Variants in ZFHX3 observed in about 807,000 individuals in gnomAD.
The protein encoded by ZFHX3 is zinc finger homeobox 3, also known as zinc finger homeobox protein 3.
A neutral mutation model predicts 279.1 loss-of-function variants in ZFHX3; 42 were observed. That is an observed-to-expected ratio of 0.15 (90% CI 0.12 to 0.19). The LOEUF is 0.19. Among genes scored for constraint, ZFHX3 ranks in the 10% least tolerant of loss-of-function variants. ZFHX3 has a pLI of 1.00. For missense variants in ZFHX3, 4,981 were observed against 4,754.0 expected, an observed-to-expected ratio of 1.05 and a Z score of -1.40; for synonymous variants, 2,293 against 1,957.8, an observed-to-expected ratio of 1.17 and a Z score of -4.52.
intron 6 of ZFHX3, among the ~76,000 whole-genome samples, chr16:73,132,051 C>T (rs781573094): frequency 1.2e-4 from 18 of 151,952 alleles, no homozygotes; most frequent in Non-Finnish European, 2.2e-4. Flanking sequence ...TTTAGGAGAC[C>T]GAGGTGGGAA....
chr16:73,270,538 T>A (rs1366347257), intron 4 of ZFHX3, among the ~76,000 whole-genome samples: 1 of 152,190 alleles, frequency 6.6e-6, no homozygotes, highest in Non-Finnish European at 1.5e-5. Context: ...ATTTGATGAT[T>A]GACTGAAGCA....
chr16:72,812,453 T>C (rs996148220), intron 5 of ZFHX3, among the ~76,000 whole-genome samples: 2 of 152,098 alleles, frequency 1.3e-5, no homozygotes, highest in Non-Finnish European at 2.9e-5. Context: ...GCTTCAGAAA[T>C]GTAAGAAGAG....
chr16:73,724,236 G>T (rs879346748), intron 1 of ZFHX3, among the ~76,000 whole-genome samples: 3 of 152,176 alleles, frequency 2.0e-5, no homozygotes, highest in Non-Finnish European at 4.4e-5. Context: ...CAACTCCTGT[G>T]TGAGCTGCCA....
At chr16:72,927,396 G>C (rs1308839751) in intron 3 of ZFHX3, among the ~76,000 whole-genome samples, 1 of 152,114 alleles carries the variant, frequency 6.6e-6, no homozygotes, top group Non-Finnish European at 1.5e-5. Flanking sequence ...AAGTTCTTCT[G>C]AGGGCAACAC....
intron 1 of ZFHX3, among the ~76,000 whole-genome samples, chr16:73,794,760 C>T (rs998890492): frequency 2.5e-4 from 38 of 152,258 alleles, no homozygotes; most frequent in African/African-American, 8.9e-4. Flanking sequence ...AAAGGGCTAT[C>T]GATTAGACGC....
chr16:73,760,122 T>C (rs777449400), intron 1 of ZFHX3, among the ~76,000 whole-genome samples: 1 of 151,846 alleles, frequency 6.6e-6, no homozygotes, highest in Non-Finnish European at 1.5e-5. Context: ...TGTCACTACT[T>C]ACTCCACAGA....
At chr16:73,024,974 C>T (rs898845138) in intron 1 of ZFHX3, among the ~76,000 whole-genome samples, 2 of 152,174 alleles carry the variant, frequency 1.3e-5, no homozygotes, top group East Asian at 1.9e-4. Context: ...CCTTAGACAC[C>T]GCCTGCCTCC....
chr16:73,004,159 C>CTTTTCTTTTT (rs1963611428), intron 1 of ZFHX3, among the ~76,000 whole-genome samples: 1 of 49,372 alleles, frequency 2.0e-5, no homozygotes. Flanking sequence ...AAAAACACGA[C>CTTTTCTTTTT]TTTTTTTTTT....
chr16:73,841,309 G>T (rs1212689473), intron 1 of ZFHX3, among the ~76,000 whole-genome samples: 2 of 152,078 alleles, frequency 1.3e-5, no homozygotes, highest in African/African-American at 2.4e-5. Context: ...TCCTGTGGAA[G>T]GACCCAGAAG....
intron 1 of ZFHX3, among the ~76,000 whole-genome samples, chr16:73,749,139 A>G (rs2053733087): frequency 6.6e-6 from 1 of 151,922 alleles, no homozygotes; most frequent in Non-Finnish European, 1.5e-5. Flanking sequence ...AATACACTAG[A>G]TCCCGCCATA....
intron 2 of ZFHX3, among the ~76,000 whole-genome samples, chr16:73,577,449 T>A (rs2143817109): frequency 6.6e-6 from 1 of 152,344 alleles, no homozygotes; most frequent in East Asian, 1.9e-4. Flanking sequence ...TCTACAATTA[T>A]CTCAAAATAT....
intron 2 of ZFHX3, among the ~76,000 whole-genome samples, chr16:73,631,578 G>T (rs2142147117): frequency 6.6e-6 from 1 of 152,160 alleles, no homozygotes; most frequent in Middle Eastern, 3.4e-3. Context: ...TTTTCTTTGT[G>T]TTTATATTTT....
intron 2 of ZFHX3, among the ~76,000 whole-genome samples, chr16:73,459,136 A>T (rs1258778315): frequency 1.3e-5 from 2 of 152,246 alleles, no homozygotes; most frequent in Non-Finnish European, 2.9e-5. Context: ...AGTTAATTTT[A>T]AATGGAAAAG....
At position 73,445,059 on chromosome 16, in the gene ZFHX3, C is replaced by T. The variant is rs533540425; in HGVS notation, c.-1291+10944G>A. 4.0e-5 allele frequency among the ~76,000 whole-genome samples: 6 copies of T among 150,876 alleles called. No homozygotes were observed. The East Asian group carries it at 5.9e-4, about 15-fold the overall frequency. On this transcript the variant is annotated intron_variant, in intron 3 of 17. Coordinates refer to the ZFHX3 transcript ENST00000641206. ...CTGAGGCAGGAGAATTGCTTGAACC[C>T]GGGAGGCGGAGGTTACAGTGAGCGG...
intron 2 of ZFHX3, among the ~76,000 whole-genome samples, chr16:73,579,997 T>C (rs1195104310): frequency 1.4e-5 from 2 of 148,092 alleles, no homozygotes; most frequent in East Asian, 3.9e-4. Flanking sequence ...CATATATATT[T>C]TAAATATATA....
At chr16:73,793,927 T>C (rs1030869777) in intron 1 of ZFHX3, among the ~76,000 whole-genome samples, 48 of 151,244 alleles carry the variant, frequency 3.2e-4, no homozygotes, top group Admixed American at 6.6e-5. Flanking sequence ...TGGGTGGTGA[T>C]TGGGGGGAGG....
At chr16:73,865,116 C>G (rs980150705) in intron 1 of ZFHX3, among the ~76,000 whole-genome samples, 2 of 152,204 alleles carry the variant, frequency 1.3e-5, no homozygotes, top group African/African-American at 4.8e-5. Context: ...GCTGTCACAG[C>G]TGAGGTCCCA....
At chr16:73,853,839 A>C (rs1344078072) in intron 1 of ZFHX3, among the ~76,000 whole-genome samples, 2 of 152,174 alleles carry the variant, frequency 1.3e-5, no homozygotes, top group African/African-American at 4.8e-5. Flanking sequence ...ATAAATTTTT[A>C]AAAAAGACTG....
rs189734274 is a variant in ZFHX3 at position 73,419,901 on chromosome 16, A to T, written c.-1291+36102T>A. On this transcript the variant is annotated intron_variant, in intron 3 of 17. Transcript: ENST00000641206. ...TGAGAATTAACATATATATATATAG[A>T]TAGATAATTTTTTTTTTTTTCTGGA... Among the ~76,000 whole-genome samples, 399 of 149,202 alleles carry T rather than the reference A, an allele frequency of 2.7e-3. 2 individuals carry two copies. Among genetic ancestry groups the T allele is most frequent in the Non-Finnish European group, 4.0e-3 (270 of 67,894 alleles).
Sources: allele counts gnomAD v4.1 joint callset (sites outside exome capture counted in the v4.1 genomes callset), GRCh38; gene constraint gnomAD v4.1.1; transcripts MANE v1.5; gene names NCBI Gene and HGNC (gene_info 2026-07-23, HGNC 2026-07-21).